ANKRD44: variants seen among roughly 807,000 people sequenced by gnomAD.
ANKRD44 encodes ankyrin repeat domain 44.
In ANKRD44, 35 loss-of-function variants were observed where a neutral mutation model predicts 116.0. The observed-to-expected ratio is 0.30, with a 90% CI of 0.23 to 0.40. The LOEUF is 0.40. ANKRD44 is among the 10% of genes least tolerant of loss of function. The pLI, the probability that ANKRD44 is intolerant of heterozygous loss-of-function variation, is 1.00. For synonymous variants in ANKRD44, 435 were observed against 461.8 expected (o/e 0.94, Z 0.74); for missense variants, 1,014 against 1,242.6 (o/e 0.82, Z 2.77).
intron 18 of ANKRD44, among the ~76,000 whole-genome samples, chr2:197,011,592 C>T (rs2076302864): frequency 6.6e-6 from 1 of 151,848 alleles, no homozygotes; most frequent in South Asian, 2.1e-4. Flanking sequence ...CCTGCTTCAG[C>T]CTCCCGAGTA....
At chr2:197,071,698 C>A (rs1403388918) in intron 16 of ANKRD44, among the ~76,000 whole-genome samples, 3 of 152,096 alleles carry the variant, frequency 2.0e-5, no homozygotes, top group Admixed American at 2.0e-4. Context: ...TATTGTTGAT[C>A]AGATCCTCTT....
chr2:197,259,310 C>A (rs936893564), intron 1 of ANKRD44, among the ~76,000 whole-genome samples: 1 of 152,134 alleles, frequency 6.6e-6, no homozygotes, highest in African/African-American at 2.4e-5. Context: ...ACATCTGTGT[C>A]CCCCTCCCAG....
At chr2:197,066,830 A>T (rs1047979551) in intron 16 of ANKRD44, among the ~76,000 whole-genome samples, 4 of 152,212 alleles carry the variant, frequency 2.6e-5, no homozygotes, top group African/African-American at 9.6e-5. Context: ...GGTAGGAAGA[A>T]TCAATATCGT....
intron 1 of ANKRD44, among the ~76,000 whole-genome samples, chr2:197,259,959 A>T (rs2105720034): frequency 6.6e-6 from 1 of 152,390 alleles, no homozygotes; most frequent in African/African-American, 2.4e-5. Context: ...AATGTGGTCC[A>T]ATAAAGAACA....
intron 1 of ANKRD44, among the ~76,000 whole-genome samples, chr2:197,297,681 C>T (rs1003881480): frequency 1.1e-4 from 16 of 152,186 alleles, no homozygotes; most frequent in African/African-American, 3.6e-4. Context: ...AAATATACAA[C>T]TCACACGGAG....
intron 1 of ANKRD44, among the ~76,000 whole-genome samples, chr2:197,229,334 G>A (rs2081800077): frequency 6.6e-6 from 1 of 152,154 alleles, no homozygotes. Flanking sequence ...AAATGAAAAT[G>A]AATTAAGATC....
intron 16 of ANKRD44, among the ~76,000 whole-genome samples, chr2:197,047,769 G>A (rs2077029611): frequency 6.6e-6 from 1 of 152,114 alleles, no homozygotes; most frequent in Admixed American, 6.5e-5. Context: ...AATTAGCTGG[G>A]CATGGTGGTG....
chr2:197,077,554 T>C (rs144789187), intron 16 of ANKRD44, among the ~76,000 whole-genome samples: 1 of 152,286 alleles, frequency 6.6e-6, no homozygotes, highest in African/African-American at 2.4e-5. Context: ...TTTAGCCTAC[T>C]TAGGATCTTT....
At chr2:197,076,530 G>A (rs930979833) in intron 16 of ANKRD44, among the ~76,000 whole-genome samples, 1 of 152,110 alleles carries the variant, frequency 6.6e-6, no homozygotes, top group Admixed American at 6.6e-5. Context: ...AGGTTCAGGG[G>A]TACATGTGCA....
chr2:197,155,610 C>A (rs2079789394), intron 2 of ANKRD44, among the ~76,000 whole-genome samples: 1 of 152,116 alleles, frequency 6.6e-6, no homozygotes, highest in South Asian at 2.1e-4. Context: ...ACAAATGGTC[C>A]TAGAACAATG....
chr2:197,092,614 T>C (rs971890590), intron 10 of ANKRD44, among the ~76,000 whole-genome samples: 2 of 152,226 alleles, frequency 1.3e-5, no homozygotes, highest in Admixed American at 1.3e-4. Context: ...GCCCAGTGTG[T>C]ATAACAGCTG....
intron 10 of ANKRD44, among the ~76,000 whole-genome samples, chr2:197,098,721 T>C (rs1374530190): frequency 2.6e-5 from 4 of 152,224 alleles, no homozygotes; most frequent in Non-Finnish European, 1.5e-5. Flanking sequence ...CTCATATAGA[T>C]CTTACCAGAT....
chr2:197,128,174 G>A (rs1388542134), intron 4 of ANKRD44, among the ~76,000 whole-genome samples: 1 of 152,108 alleles, frequency 6.6e-6, no homozygotes, highest in African/African-American at 2.4e-5. Flanking sequence ...TTGGATTGCT[G>A]GGTCAAATGG....
At chr2:197,144,433 T>C (rs886657008) in intron 3 of ANKRD44, among the ~76,000 whole-genome samples, 3 of 152,356 alleles carry the variant, frequency 2.0e-5, no homozygotes, top group East Asian at 1.9e-4. Context: ...GATAAAATCA[T>C]CATGCTCTTG....
rs2080475325 is a variant in ANKRD44 at position 197,180,423 on chromosome 2, G to A, written c.111+6600C>T. On this transcript the variant is annotated intron_variant, in intron 2 of 27. Transcript: ENST00000282272. ...TCCTGCAGGGTGCTTGATGAGAGCT[G>A]AGCCATTCATCACTCGTGATCACTG... 2.0e-5 allele frequency among the ~76,000 whole-genome samples: 3 copies of A among 152,266 alleles called. No individual in the cohort carries two copies. In the South Asian group the frequency reaches 6.2e-4, roughly 32 times the overall value.
At chr2:197,262,087 A>G (rs967324950) in intron 1 of ANKRD44, among the ~76,000 whole-genome samples, 4 of 152,214 alleles carry the variant, frequency 2.6e-5, no homozygotes, top group Non-Finnish European at 4.4e-5. Flanking sequence ...GCCAGGACAA[A>G]ATATTCGCAC....
chr2:197,007,696 A>AT (rs1226732378), intron 20 of ANKRD44, 110 bp downstream of exon 20: 13 of 753,582 alleles, frequency 1.7e-5, no homozygotes, highest in South Asian at 8.5e-5. Context: ...TTTGCTAAAC[A>AT]TTTTTTGCTA....
chr2:197,074,304 G>C (rs1452480231), intron 16 of ANKRD44, among the ~76,000 whole-genome samples: 3 of 152,202 alleles, frequency 2.0e-5, no homozygotes, highest in Non-Finnish European at 4.4e-5. Context: ...CAGGACCTCT[G>C]AGGAGAGAAA....
intron 4 of ANKRD44, 102 bp from the exon 5 acceptor site, chr2:197,126,139 C>T (rs957497716): frequency 3.0e-5 from 35 of 1,150,078 alleles, no homozygotes; most frequent in Non-Finnish European, 3.8e-5. Flanking sequence ...GAGAGAAAGG[C>T]TCCCCAACCC....
Sources: gnomAD v4.1 joint callset for allele counts (sites outside exome capture counted in the v4.1 genomes callset) on GRCh38, gnomAD v4.1.1 for gene constraint, MANE v1.5 for transcripts, NCBI Gene and HGNC (gene_info 2026-07-23, HGNC 2026-07-21) for gene names.